DGKB: variants seen among roughly 807,000 people sequenced by gnomAD.
DGKB encodes the protein diacylglycerol kinase beta.
DGKB carries 67 observed loss-of-function variants against 114.3 expected under a neutral mutation model. That is an observed-to-expected ratio of 0.59 (90% confidence interval 0.48 to 0.72). The LOEUF is 0.72. Ranked by LOEUF, DGKB falls within the 30% of genes least tolerant of loss-of-function variation. DGKB has a pLI of 0.00. For synonymous variants in DGKB, 398 were observed against 323.1 expected, an observed-to-expected ratio of 1.23 and a Z score of -2.49; for missense variants, 907 against 975.2, an observed-to-expected ratio of 0.93 and a Z score of 0.93.
At chr7:14,807,367 A>C (rs1396269311) in intron 2 of DGKB, among the ~76,000 whole-genome samples, 10 of 152,014 alleles carry the variant, frequency 6.6e-5, no homozygotes, top group Admixed American at 5.9e-4. Flanking sequence ...AGAATGAATA[A>C]ATACACAAAT....
chr7:14,421,787 ATACT>A (rs1445166053), intron 21 of DGKB, among the ~76,000 whole-genome samples: 8 of 152,206 alleles, frequency 5.3e-5, no homozygotes, highest in Non-Finnish European at 1.5e-5. Flanking sequence ...GTAATTAGAG[ATACT>A]TAGACATGTA....
At chr7:14,268,034 A>C (rs1040487922) in intron 23 of DGKB, among the ~76,000 whole-genome samples, 5 of 152,298 alleles carry the variant, frequency 3.3e-5, no homozygotes, top group Non-Finnish European at 4.4e-5. Context: ...TTAATGAAAA[A>C]ATCAGGATTT....
At chr7:14,595,535 C>G (rs1585020512) in intron 17 of DGKB, among the ~76,000 whole-genome samples, 1 of 30,106 alleles carries the variant, frequency 3.3e-5, no homozygotes, top group Admixed American at 3.1e-4. Context: ...AAAATTGAGG[C>G]CCCCCTTTAA....
chr7:14,963,308 T>A (rs1332536962), intron 1 of DGKB, among the ~76,000 whole-genome samples: 3 of 152,092 alleles, frequency 2.0e-5, no homozygotes, highest in Non-Finnish European at 4.4e-5. Context: ...ATACACAAAA[T>A]GTACTTTTCA....
At chr7:14,285,635 T>C (rs560742419) in intron 23 of DGKB, among the ~76,000 whole-genome samples, 5 of 152,292 alleles carry the variant, frequency 3.3e-5, no homozygotes, top group South Asian at 4.1e-4. Context: ...ATAATTCACA[T>C]TGTATATTAA....
At chr7:14,755,827 T>A (rs1477355899) in intron 3 of DGKB, among the ~76,000 whole-genome samples, 6 of 152,128 alleles carry the variant, frequency 3.9e-5, no homozygotes, top group Non-Finnish European at 8.8e-5. Context: ...TTAACTAAGA[T>A]CAGAGAGTGG....
At chr7:14,236,013 CAG>C (rs1562698988) in intron 23 of DGKB, among the ~76,000 whole-genome samples, 1 of 151,886 alleles carries the variant, frequency 6.6e-6, no homozygotes, top group African/African-American at 2.4e-5. Context: ...ACTAATAATT[CAG>C]AGTTTTGAAA....
At chr7:14,879,466 T>A (rs1020501668) in intron 1 of DGKB, among the ~76,000 whole-genome samples, 2 of 152,196 alleles carry the variant, frequency 1.3e-5, no homozygotes, top group African/African-American at 4.8e-5. Context: ...TCATACGTTA[T>A]CTTGTCAGGC....
intron 17 of DGKB, among the ~76,000 whole-genome samples, chr7:14,585,682 G>C (rs1584965790): frequency 6.6e-6 from 1 of 152,254 alleles, no homozygotes; most frequent in East Asian, 1.9e-4. Flanking sequence ...TTTACAACTT[G>C]AATGTCTGTG....
At chr7:14,582,006 CAA>C (rs1291967890) in intron 18 of DGKB, among the ~76,000 whole-genome samples, 1 of 152,114 alleles carries the variant, frequency 6.6e-6, no homozygotes, top group Admixed American at 6.5e-5. Context: ...AGATCCTTAT[CAA>C]AAGTGTTGCC....
rs138615629 is a variant in DGKB, at chr7:14,447,606, C to T, written c.1835+30555G>A. On this transcript the variant is annotated intron_variant, in intron 21 of 25. Transcript: ENST00000402815. ...TGGTATATTCATGTTTAGTTTGCAT[C>T]GTTTTATCATTTTTTAAATTTTCTC... 1.5e-4 allele frequency among the ~76,000 whole-genome samples: 23 copies of T among 152,078 alleles called. 1 individual carries two copies. The highest frequency in any genetic ancestry group is 2.1e-4 in the Non-Finnish European group (14 of 67,956).
intron 9 of DGKB, among the ~76,000 whole-genome samples, chr7:14,689,196 C>CTTTTTTTTTTTTTT (rs1554599070): frequency 2.0e-4 from 16 of 80,300 alleles, no homozygotes; most frequent in East Asian, 1.2e-3. Flanking sequence ...AGAAACTCCT[C>CTTTTTTTTTTTTTT]TTATTTTTTT....
chr7:14,930,660 G>A (rs1184382449), intron 1 of DGKB, among the ~76,000 whole-genome samples: 3 of 152,182 alleles, frequency 2.0e-5, no homozygotes, highest in East Asian at 1.9e-4. Flanking sequence ...AACAGGGATA[G>A]GTTCTCTTCC....
intron 23 of DGKB, among the ~76,000 whole-genome samples, chr7:14,253,266 C>T (rs1010686968): frequency 1.3e-5 from 2 of 152,032 alleles, no homozygotes; most frequent in Non-Finnish European, 2.9e-5. Context: ...AACTCCTGAC[C>T]TCGTGATCCG....
At chr7:14,346,220 G>C (rs1812450283) in intron 21 of DGKB, among the ~76,000 whole-genome samples, 2 of 151,654 alleles carry the variant, frequency 1.3e-5, no homozygotes, top group South Asian at 4.1e-4. Flanking sequence ...TCTTACATTA[G>C]AATGTAAAAC....
chr7:14,333,247 A>G (rs771870316), intron 23 of DGKB, among the ~76,000 whole-genome samples: 2 of 152,048 alleles, frequency 1.3e-5, no homozygotes, highest in South Asian at 2.1e-4. Flanking sequence ...TGATGCGGTC[A>G]GGAGATAGAG....
At chr7:14,407,743 C>G (rs1303173338) in intron 21 of DGKB, among the ~76,000 whole-genome samples, 1 of 151,996 alleles carries the variant, frequency 6.6e-6, no homozygotes, top group African/African-American at 2.4e-5. Context: ...GTAAATATTT[C>G]AAATGAAGAT....
intron 21 of DGKB, among the ~76,000 whole-genome samples, chr7:14,457,034 G>T (rs1328531714): frequency 6.6e-6 from 1 of 152,100 alleles, no homozygotes; most frequent in Non-Finnish European, 1.5e-5. Context: ...TCATAAAGTA[G>T]AAATGACAGC....
At chr7:14,395,412 A>C (rs1822058087) in intron 21 of DGKB, among the ~76,000 whole-genome samples, 1 of 152,028 alleles carries the variant, frequency 6.6e-6, no homozygotes. Context: ...CTTTTTAAAT[A>C]GATAAACCTG....
Sources: allele counts gnomAD v4.1 joint callset (sites outside exome capture counted in the v4.1 genomes callset), GRCh38; gene constraint gnomAD v4.1.1; transcripts MANE v1.5; gene names NCBI Gene and HGNC (gene_info 2026-07-23, HGNC 2026-07-21).